CHRNA5: variants seen among roughly 807,000 people sequenced by gnomAD.
The protein encoded by CHRNA5 is neuronal acetylcholine receptor subunit alpha-5.
A neutral mutation model predicts 41.2 loss-of-function variants in CHRNA5; 28 were observed. The ratio of observed to expected loss-of-function variants is 0.68; its 90% CI spans 0.50 to 0.93. CHRNA5 has a LOEUF of 0.93. CHRNA5 is among the 40% of genes least tolerant of loss of function. The pLI, the probability that CHRNA5 is intolerant of heterozygous loss-of-function variation, is 0.00. For missense variants in CHRNA5, 481 were observed against 581.9 expected, an observed-to-expected ratio of 0.83 and a Z score of 1.78; for synonymous variants, 188 against 205.8, an observed-to-expected ratio of 0.91 and a Z score of 0.74.
intron 1 of CHRNA5, among the ~76,000 whole-genome samples, chr15:78,576,150 T>TG (rs893088401): frequency 3.0e-4 from 45 of 152,178 alleles, no homozygotes; most frequent in Non-Finnish European, 4.4e-4. Context: ...TGTTTTTTTT[T>TG]TTGTTGTTGT....
At chr15:78,566,606 A>G (rs1038853568) in intron 1 of CHRNA5, among the ~76,000 whole-genome samples, 1 of 152,236 alleles carries the variant, frequency 6.6e-6, no homozygotes, top group Non-Finnish European at 1.5e-5. Context: ...GTTAAGCAAG[A>G]TATGATTACA....
At chr15:78,577,347 A>G (rs2052868088) in intron 1 of CHRNA5, among the ~76,000 whole-genome samples, 1 of 152,210 alleles carries the variant, frequency 6.6e-6, no homozygotes, top group African/African-American at 2.4e-5. Context: ...CAGCCAGCTA[A>G]AAAAGCATGA....
At chr15:78,572,919 G>C (rs2052819757) in intron 1 of CHRNA5, among the ~76,000 whole-genome samples, 1 of 152,218 alleles carries the variant, frequency 6.6e-6, no homozygotes, top group African/African-American at 2.4e-5. Context: ...CGAAGGAGAG[G>C]AGGAGGGAGA....
chr15:78,581,401 T>C (rs1662526080), intron 2 of CHRNA5, among the ~76,000 whole-genome samples: 1 of 152,172 alleles, frequency 6.6e-6, no homozygotes, highest in South Asian at 2.1e-4. Flanking sequence ...ATTTCAGAAA[T>C]TTTTCTATAT....
chr15:78,570,424 ATTTTTTTTT>A (rs71148540), intron 1 of CHRNA5, among the ~76,000 whole-genome samples: 890 of 64,182 alleles, frequency 0.014, 18 homozygotes, highest in Non-Finnish European at 0.016. Context: ...AATCCCGGCT[ATTTTTTTTT>A]TTTTTTTTTT....
At chr15:78,571,179 A>T (rs2052801554) in intron 1 of CHRNA5, among the ~76,000 whole-genome samples, 1 of 152,222 alleles carries the variant, frequency 6.6e-6, no homozygotes, top group Non-Finnish European at 1.5e-5. Flanking sequence ...AGGTTGTAGA[A>T]AAGTCCACAT....
chr15:78,577,468 G>T (rs183359688), intron 1 of CHRNA5, among the ~76,000 whole-genome samples: 3 of 152,176 alleles, frequency 2.0e-5, no homozygotes, highest in African/African-American at 7.2e-5. Context: ...TCTAGTATGG[G>T]ATGTATTACG....
At position 78,581,036 on chromosome 15, in the gene CHRNA5, G is replaced by A. The variant is rs541039620; in HGVS notation, c.258+74G>A. ...AGCCTGGTGTGTGCCCAGGCACTGT[G>A]CTAGGCACCAAGGATTACAAAGGTG... On this transcript the variant is annotated intron_variant, in intron 2 of 5. Coordinates refer to ENST00000299565, the Ensembl canonical transcript of CHRNA5. 1.0e-5 allele frequency: 15 copies of A among 1,454,278 alleles called. No individual in the cohort carries two copies. In the South Asian group the frequency reaches 1.7e-4, roughly 17 times the overall value. The allele number at this position is 1,454,278 out of a possible 1,614,324, so 90.1% of individuals were successfully genotyped here. A position where few individuals can be genotyped will look rare whatever the true frequency, so the allele number is the denominator to read the frequency against.
exon 5 of CHRNA5, chr15:78,590,546 A>G (rs543578175): frequency 1.9e-5 from 30 of 1,614,078 alleles, no homozygotes; most frequent in Non-Finnish European, 2.5e-5. Flanking sequence ...GTGGTAGTGG[A>G]CCAAAATCTT....
chr15:78,580,892 G>A (rs202057419), exon 2 of CHRNA5: 13 of 1,613,822 alleles, frequency 8.1e-6, no homozygotes, highest in African/African-American at 8.0e-5. Flanking sequence ...AGATGGGTTC[G>A]TCCTGTGGAA....
chr15:78,579,728 A>T (rs1186937000), intron 1 of CHRNA5, among the ~76,000 whole-genome samples: 2 of 151,914 alleles, frequency 1.3e-5, no homozygotes, highest in Non-Finnish European at 2.9e-5. Flanking sequence ...CATTGACCTC[A>T]CTGTTGCTAA....
chr15:78,587,940 A>T (rs1050105560), intron 3 of CHRNA5, among the ~76,000 whole-genome samples: 13 of 152,220 alleles, frequency 8.5e-5, no homozygotes, highest in Admixed American at 7.2e-4. Flanking sequence ...TCCCTTTTGC[A>T]TGGACCAGAA....
At chr15:78,592,526 T>A (rs73463095) in intron 5 of CHRNA5, among the ~76,000 whole-genome samples, 5,945 of 152,208 alleles carry the variant, frequency 0.039, 350 homozygotes, top group African/African-American at 0.12. Flanking sequence ...TTCCTTGTGG[T>A]GGCTCCGAGC....
intron 2 of CHRNA5, among the ~76,000 whole-genome samples, chr15:78,585,452 C>T (rs750598621): frequency 6.6e-6 from 1 of 152,162 alleles, no homozygotes; most frequent in African/African-American, 2.4e-5. Context: ...TTTATTTACA[C>T]CCCTGTCCTA....
intron 2 of CHRNA5, among the ~76,000 whole-genome samples, chr15:78,585,533 G>A (rs1351580903): frequency 1.3e-5 from 2 of 152,024 alleles, no homozygotes; most frequent in Non-Finnish European, 2.9e-5. Flanking sequence ...ATATATTTGC[G>A]GCTGGTGATT....
chr15:78,590,120 A>G, exon 5 of CHRNA5: 2 of 1,614,200 alleles, frequency 1.2e-6, no homozygotes, highest in South Asian at 1.1e-5. Context: ...TCACTTACTC[A>G]TTTGTAATCA....
At chr15:78,592,625 AAAAT>A (rs1230309976) in intron 5 of CHRNA5, among the ~76,000 whole-genome samples, 5 of 152,228 alleles carry the variant, frequency 3.3e-5, no homozygotes, top group Admixed American at 1.3e-4. Flanking sequence ...AGGAAATCCA[AAAAT>A]AAATAAAGTG....
intron 2 of CHRNA5, among the ~76,000 whole-genome samples, chr15:78,585,824 G>T (rs1169195260): frequency 7.7e-6 from 1 of 130,578 alleles, no homozygotes; most frequent in Non-Finnish European, 1.5e-5. Flanking sequence ...TCGCTGTGTT[G>T]CCCAGGCTGT....
At chr15:78,575,052 CA>C (rs1255325556) in intron 1 of CHRNA5, among the ~76,000 whole-genome samples, 2 of 151,352 alleles carry the variant, frequency 1.3e-5, no homozygotes, top group African/African-American at 4.9e-5. Flanking sequence ...GCCAAGTATT[CA>C]AATTAAGGTT....
Sources: allele counts gnomAD v4.1 joint callset (sites outside exome capture counted in the v4.1 genomes callset), GRCh38; gene constraint gnomAD v4.1.1; transcripts MANE v1.5; gene names NCBI Gene and HGNC (gene_info 2026-07-23, HGNC 2026-07-21).